Variants in HTR4 observed in about 807,000 individuals in gnomAD.
HTR4 encodes 5-hydroxytryptamine receptor 4.
Under a neutral mutation model 36.8 loss-of-function variants are expected in HTR4, and 16 were observed. The observed-to-expected ratio is 0.43, with a 90% CI of 0.29 to 0.66. HTR4 has a LOEUF of 0.66. HTR4 is among the 30% of genes least tolerant of loss of function. The pLI is 0.13. For synonymous variants in HTR4, 189 were observed against 185.1 expected (o/e 1.02, Z -0.17); for missense variants, 438 against 490.9 (o/e 0.89, Z 1.02).
intron 5 of HTR4, among the ~76,000 whole-genome samples, chr5:148,451,640 C>T (rs536576255): frequency 3.3e-5 from 5 of 152,192 alleles, no homozygotes; most frequent in African/African-American, 1.2e-4. Context: ...TATGCTATGT[C>T]CTATCTACCA....
chr5:148,619,340 G>A lies in HTR4; in HGVS notation c.26+17649C>T, dbSNP rs139641782. On this transcript the variant is annotated intron_variant, in intron 2 of 6. Coordinates refer to ENST00000377888, the MANE Select transcript of HTR4 (RefSeq NM_000870.7). Reference sequence around the variant, plus strand: ...TTAATGATGCTTGCAAGAAAAAAATGCCCTTACAAACACTGCCTGTTCAAA... The same window carrying A: ...TTAATGATGCTTGCAAGAAAAAAATACCCTTACAAACACTGCCTGTTCAAA... Among the ~76,000 whole-genome samples the A allele has an allele frequency of 2.0e-4, 31 of 152,202 alleles. No homozygotes were observed. The East Asian group carries it at 5.8e-3, about 28-fold the overall frequency.
intron 4 of HTR4, among the ~76,000 whole-genome samples, chr5:148,536,524 TTAAAA>T (rs1018439551): frequency 1.3e-5 from 2 of 150,840 alleles, no homozygotes; most frequent in African/African-American, 4.9e-5. Flanking sequence ...ACCCATAGAC[TTAAAA>T]TAAAGGAATG....
At chr5:148,506,306 A>C (rs1328059429) in intron 6 of HTR4, among the ~76,000 whole-genome samples, 1 of 152,212 alleles carries the variant, frequency 6.6e-6, no homozygotes, top group Non-Finnish European at 1.5e-5. Flanking sequence ...GGTGCTGGGA[A>C]AACTGGCTAG....
intron 4 of HTR4, among the ~76,000 whole-genome samples, chr5:148,547,537 A>C (rs1331504568): frequency 9.3e-6 from 1 of 107,598 alleles, no homozygotes; most frequent in African/African-American, 3.9e-5. Flanking sequence ...AAAATAAAAT[A>C]AAATAAAATA....
chr5:148,515,879 C>G (rs1291264337), intron 5 of HTR4, among the ~76,000 whole-genome samples: 2 of 151,640 alleles, frequency 1.3e-5, no homozygotes, highest in African/African-American at 4.8e-5. Flanking sequence ...AATTCTTAGG[C>G]ACTATTTCTA....
At chr5:148,454,935 G>C (rs1755063613) in intron 5 of HTR4, among the ~76,000 whole-genome samples, 1 of 152,164 alleles carries the variant, frequency 6.6e-6, no homozygotes, top group Non-Finnish European at 1.5e-5. Flanking sequence ...GGACCAAACA[G>C]CCCTAGGAAA....
At chr5:148,611,792 G>A (rs1752440539) in intron 2 of HTR4, among the ~76,000 whole-genome samples, 3 of 151,282 alleles carry the variant, frequency 2.0e-5, no homozygotes. Context: ...CATCTCACGT[G>A]CAGAGACACA....
intron 5 of HTR4, among the ~76,000 whole-genome samples, chr5:148,512,984 T>A (rs1156769496): frequency 6.6e-6 from 1 of 151,616 alleles, no homozygotes; most frequent in Non-Finnish European, 1.5e-5. Context: ...AGTTAGCATA[T>A]CTTTATTGTG....
Position 148,507,757 on chromosome 5 carries a change from A to G in HTR4, c.1076+1699T>C, listed in dbSNP as rs972162339. 2.0e-5 allele frequency among the ~76,000 whole-genome samples: 3 copies of G among 152,110 alleles called. No individual in the cohort carries two copies. The South Asian group carries it at 6.2e-4, about 32-fold the overall frequency. On this transcript the variant is annotated intron_variant, in intron 6 of 6. Transcript: ENST00000377888. ...TGCCCTGGAAACTCCCAAACTCTCT[A>G]TGAAAAAAACCATCAACTGCTAAAC...
At chr5:148,622,516 A>G (rs1210649146) in intron 2 of HTR4, among the ~76,000 whole-genome samples, 1 of 151,904 alleles carries the variant, frequency 6.6e-6, no homozygotes. Context: ...TCAGGCTGAT[A>G]TCCTTCTGAT....
chr5:148,573,286 C>T (rs1760753078), intron 2 of HTR4, among the ~76,000 whole-genome samples: 1 of 152,058 alleles, frequency 6.6e-6, no homozygotes, highest in Non-Finnish European at 1.5e-5. Flanking sequence ...TTGTCTCAGT[C>T]AGATTGGGTT....
chr5:148,637,854 C>T (rs1330719920), intron 1 of HTR4, among the ~76,000 whole-genome samples: 1 of 152,106 alleles, frequency 6.6e-6, no homozygotes, highest in Non-Finnish European at 1.5e-5. Context: ...AGTGTAGGGG[C>T]AGGGTCCGGC....
chr5:148,523,144 T>C lies in HTR4; in HGVS notation c.507+49A>G, dbSNP rs1173690699. ...ATTATTTATTCATTTAGGAACCCCATGCAAAGTTGATCAGACAGTAAACCA... is the reference window on the plus strand; with the variant it reads ...ATTATTTATTCATTTAGGAACCCCACGCAAAGTTGATCAGACAGTAAACCA... On this transcript the variant is annotated intron_variant, in intron 5 of 6. Transcript: ENST00000377888. The C allele has an allele frequency of 2.0e-6, 3 of 1,509,430 alleles. No homozygotes were observed. The South Asian group carries it at 3.6e-5, about 18-fold the overall frequency. 93.5% of individuals were successfully genotyped at this position (1,509,430 alleles called of 1,614,324 possible).
chr5:148,507,115 G>A (rs748664581), intron 6 of HTR4, among the ~76,000 whole-genome samples: 12 of 151,888 alleles, frequency 7.9e-5, no homozygotes, highest in African/African-American at 2.7e-4. Flanking sequence ...CAAACACTTG[G>A]AACCAACCCA....
At chr5:148,464,417 T>A (rs1755369448) in intron 5 of HTR4, among the ~76,000 whole-genome samples, 1 of 152,088 alleles carries the variant, frequency 6.6e-6, no homozygotes, top group African/African-American at 2.4e-5. Flanking sequence ...CAACCTAATT[T>A]TAAAAATGGG....
chr5:148,510,090 A>C, intron 5 of HTR4, 66 bp from the exon 6 acceptor site: 1 of 1,067,490 alleles, frequency 9.4e-7, no homozygotes, highest in Non-Finnish European at 1.4e-6. Context: ...GTGAAAAAGA[A>C]GTGGGAAAAA....
At chr5:148,460,528 C>A (rs928761011) in intron 5 of HTR4, among the ~76,000 whole-genome samples, 15 of 151,970 alleles carry the variant, frequency 9.9e-5, no homozygotes, top group Non-Finnish European at 1.6e-4. Flanking sequence ...ACCTGGAATT[C>A]CAACCCTGTG....
At chr5:148,586,114 TC>T (rs776721279) in intron 2 of HTR4, among the ~76,000 whole-genome samples, 25 of 152,146 alleles carry the variant, frequency 1.6e-4, no homozygotes, top group Non-Finnish European at 3.1e-4. Flanking sequence ...TAACTTTTTT[TC>T]CACATGTTTG....
intron 2 of HTR4, among the ~76,000 whole-genome samples, chr5:148,591,392 A>T (rs928462578): frequency 6.6e-6 from 1 of 152,164 alleles, no homozygotes; most frequent in Non-Finnish European, 1.5e-5. Flanking sequence ...ATTTGACAGA[A>T]ATAACATTGA....
Sources: gnomAD v4.1 joint callset for allele counts (sites outside exome capture counted in the v4.1 genomes callset) on GRCh38, gnomAD v4.1.1 for gene constraint, MANE v1.5 for transcripts, NCBI Gene and HGNC (gene_info 2026-07-23, HGNC 2026-07-21) for gene names.